Variants in CNTNAP4 observed in about 807,000 individuals in gnomAD.
The protein encoded by CNTNAP4 is contactin associated protein family member 4.
Under a neutral mutation model 148.4 loss-of-function variants are expected in CNTNAP4, and 98 were observed. The observed-to-expected ratio is 0.66, with a 90% CI of 0.56 to 0.78. The LOEUF (loss-of-function observed/expected upper bound fraction) is 0.78, where lower values mean the gene tolerates loss of function less well. Among genes scored for constraint, CNTNAP4 ranks in the 30% least tolerant of loss-of-function variants. The pLI is 0.00. For synonymous variants in CNTNAP4, 730 were observed against 565.1 expected, an observed-to-expected ratio of 1.29 and a Z score of -4.14; for missense variants, 1,935 against 1,565.6, an observed-to-expected ratio of 1.24 and a Z score of -3.98.
chr16:76,501,540 A>C (rs1311644360), intron 15 of CNTNAP4, among the ~76,000 whole-genome samples: 2 of 152,212 alleles, frequency 1.3e-5, no homozygotes, highest in Non-Finnish European at 2.9e-5. Context: ...CTTGCCCTGC[A>C]GTGGACATTT....
chr16:76,558,658 A>C lies in CNTNAP4; in HGVS notation c.3902A>C (p.Glu1301Ala), dbSNP rs780698772. 1.2e-6 allele frequency: 2 copies of C among 1,609,696 alleles called. No homozygotes were observed. The highest frequency in any genetic ancestry group is 2.2e-5 in the South Asian group (2 of 89,936). Residue 1301 changes from glutamate to alanine, a missense_variant, in exon 24 of 24, where the codon GAA becomes GCA. By Grantham distance (107) the Glu-to-Ala change is moderately radical. Transcript: ENST00000611870. ...SELNIQNAVN[E>A]NQKEYFF is the part of the protein sequence containing the mutation. ...CTTAATATACAAAATGCAGTCAATG[A>C]AAATCAGAAAGAGTACTTCTTCTGA...
intron 10 of CNTNAP4, among the ~76,000 whole-genome samples, chr16:76,470,801 C>T (rs2081342370): frequency 6.6e-6 from 1 of 152,012 alleles, no homozygotes; most frequent in African/African-American, 2.4e-5. Flanking sequence ...AATACAAATA[C>T]ACACACATGC....
intron 1 of CNTNAP4, among the ~76,000 whole-genome samples, chr16:76,301,576 G>C (rs1959973843): frequency 6.6e-6 from 1 of 152,158 alleles, no homozygotes; most frequent in Non-Finnish European, 1.5e-5. Context: ...CCAGTACTTG[G>C]TTTAGTAATG....
intron 4 of CNTNAP4, among the ~76,000 whole-genome samples, chr16:76,432,332 G>C (rs2079641441): frequency 6.6e-6 from 1 of 152,086 alleles, no homozygotes; most frequent in East Asian, 1.9e-4. Context: ...TGTTATGAAG[G>C]AACATCAAGT....
chr16:76,387,208 C>CT lies in CNTNAP4; in HGVS notation c.390+31698dup, dbSNP rs1327748055. Among the ~76,000 whole-genome samples the CT allele has an allele frequency of 5.9e-5, 9 of 152,244 alleles. No individual in the cohort carries two copies. In the East Asian group the frequency reaches 1.7e-3, roughly 29 times the overall value. On this transcript the variant is annotated intron_variant, in intron 3 of 23. Transcript: ENST00000611870. ...TCCATGCCTGAGAAAATTGATACACCTACCACATGACATTTATAGTCCGAT... is the reference window on the plus strand; with the variant it reads ...TCCATGCCTGAGAAAATTGATACACCTTACCACATGACATTTATAGTCCGAT...
intron 12 of CNTNAP4, among the ~76,000 whole-genome samples, chr16:76,483,231 A>AACACACACACACACACACAC (rs59206208): frequency 5.0e-5 from 7 of 140,112 alleles, no homozygotes; most frequent in Non-Finnish European, 9.3e-5. Context: ...AGTTTTAAGA[A>AACACACACACACACACACAC]ACACACACAC....
chr16:76,278,404 A>T (rs907860196), intron 1 of CNTNAP4, among the ~76,000 whole-genome samples: 1 of 152,204 alleles, frequency 6.6e-6, no homozygotes, highest in African/African-American at 2.4e-5. Flanking sequence ...CAAAAGTAGG[A>T]TTCCTTTGTG....
intron 2 of CNTNAP4, among the ~76,000 whole-genome samples, chr16:76,329,663 C>T (rs1273007425): frequency 6.6e-6 from 1 of 152,072 alleles, no homozygotes; most frequent in Non-Finnish European, 1.5e-5. Context: ...AGCTTAAAAC[C>T]ACATTTAAGT....
intron 3 of CNTNAP4, among the ~76,000 whole-genome samples, chr16:76,391,327 C>G (rs917598024): frequency 2.0e-5 from 3 of 152,182 alleles, no homozygotes; most frequent in Non-Finnish European, 4.4e-5. Flanking sequence ...TTATTATTTT[C>G]TGGGGGAAAA....
At position 76,316,540 on chromosome 16, in the gene CNTNAP4, C is replaced by G; in HGVS notation, c.196+17C>G. On this transcript the variant is annotated intron_variant, in intron 2 of 23. Coordinates refer to ENST00000611870, the MANE Select transcript of CNTNAP4 (RefSeq NM_033401.5). ...GAAGAGATGGTAAGTCTGCTTTTCT[C>G]CTCTGACTGGCCCATAGAAAATCTC... 1.3e-6 allele frequency: 2 copies of G among 1,519,612 alleles called. No homozygotes were observed. The highest frequency in any genetic ancestry group is 1.8e-6 in the Non-Finnish European group (2 of 1,094,804). 94.1% of individuals were successfully genotyped at this position (1,519,612 alleles called of 1,614,324 possible). A position where few individuals can be genotyped will look rare whatever the true frequency, so the allele number is the denominator to read the frequency against.
chr16:76,417,738 T>G (rs1416219168), intron 3 of CNTNAP4, among the ~76,000 whole-genome samples: 1 of 151,660 alleles, frequency 6.6e-6, no homozygotes, highest in African/African-American at 2.4e-5. Context: ...TATATAACTT[T>G]CCTTTTGTCT....
intron 4 of CNTNAP4, among the ~76,000 whole-genome samples, chr16:76,441,279 C>T (rs892725547): frequency 6.6e-6 from 1 of 152,096 alleles, no homozygotes. Context: ...GAAAGCTCTC[C>T]ATAAATACAT....
rs184973520 is a variant in CNTNAP4, at chr16:76,496,422, C to T, written c.2237+1356C>T. 2.2e-3 allele frequency among the ~76,000 whole-genome samples: 341 copies of T among 152,082 alleles called. 2 individuals carry two copies. Among genetic ancestry groups the T allele is most frequent in the African/African-American group, 6.7e-3 (278 of 41,518 alleles). ...TTATAAAACTTCTTGTATTAAATTC[C>T]GCTAATGGTGAAGTAACTTGCATAG... is the stretch of plus-strand genomic sequence containing the variant. On this transcript the variant is annotated intron_variant, in intron 14 of 23. Coordinates refer to ENST00000611870, the MANE Select transcript of CNTNAP4 (RefSeq NM_033401.5).
chr16:76,395,388 C>A (rs1465983899), intron 3 of CNTNAP4, among the ~76,000 whole-genome samples: 2 of 151,672 alleles, frequency 1.3e-5, no homozygotes, highest in Admixed American at 1.3e-4. Flanking sequence ...GCCTCAGCCT[C>A]CTGAGTAGCT....
intron 17 of CNTNAP4, among the ~76,000 whole-genome samples, chr16:76,524,168 A>G (rs890979444): frequency 6.6e-6 from 1 of 152,338 alleles, no homozygotes; most frequent in African/African-American, 2.4e-5. Context: ...CAAATATTTA[A>G]TGAATAGCTT....
At chr16:76,305,929 C>A (rs534314432) in intron 1 of CNTNAP4, among the ~76,000 whole-genome samples, 5 of 152,280 alleles carry the variant, frequency 3.3e-5, no homozygotes, top group African/African-American at 9.6e-5. Flanking sequence ...TCTCTTCCTG[C>A]ATTAATTTAC....
chr16:76,449,768 A>C lies in CNTNAP4; in HGVS notation c.981A>C (p.Arg327Ser). Residue 327 changes from arginine (R) to serine (S), a missense_variant, in exon 7 of 24, where the codon AGA becomes AGC. Transcript: ENST00000611870. ...APGKSVSFPH[R>S]NFHGCLENLY... ...GAAAATCAGTGTCATTCCCACATAG[A>C]AATTTTCATGGATGTTTAGAAAATC... The C allele has an allele frequency of 1.3e-6, 2 of 1,598,448 alleles. No individual in the cohort carries two copies. Among genetic ancestry groups the C allele is most frequent in the Non-Finnish European group, 1.7e-6 (2 of 1,171,588 alleles).
At chr16:76,521,035 A>G (rs2083431401) in intron 15 of CNTNAP4, 105 bp from the exon 16 acceptor site, 2 of 1,087,032 alleles carry the variant, frequency 1.8e-6, no homozygotes, top group East Asian at 2.4e-5. Context: ...ATAACATTTT[A>G]AATAGCAAAA....
rs184368585 is a variant in CNTNAP4 at position 76,523,214 on chromosome 16, T to A, written c.2755+957T>A. Among the ~76,000 whole-genome samples, 27 of 151,988 alleles carry A rather than the reference T, an allele frequency of 1.8e-4. No homozygotes were observed. The East Asian group carries it at 4.8e-3, about 27-fold the overall frequency. Reference sequence around the variant, plus strand: ...TTTGATGAGGAAATCATCCAGCCGATGCCAAACATTGAACACTCCCCCGGC... The same window carrying A: ...TTTGATGAGGAAATCATCCAGCCGAAGCCAAACATTGAACACTCCCCCGGC... On this transcript the variant is annotated intron_variant, in intron 17 of 23. Coordinates refer to ENST00000611870, the MANE Select transcript of CNTNAP4 (RefSeq NM_033401.5).
Sources: gnomAD v4.1 joint callset for allele counts (sites outside exome capture counted in the v4.1 genomes callset) on GRCh38, gnomAD v4.1.1 for gene constraint, MANE v1.5 for transcripts, NCBI Gene and HGNC (gene_info 2026-07-23, HGNC 2026-07-21) for gene names.